The following DUSP15 variants were observed in gnomAD, a reference collection of about 807,000 sequenced individuals.
DUSP15 encodes dual specificity protein phosphatase 15.
In DUSP15, 23 loss-of-function variants were observed where a neutral mutation model predicts 26.3. The ratio of observed to expected loss-of-function variants is 0.87; its 90% CI spans 0.63 to 1.24. DUSP15 has a LOEUF of 1.24. Among genes scored for constraint, DUSP15 ranks in the 50% most tolerant of loss-of-function variants. The pLI, the probability that DUSP15 is intolerant of heterozygous loss-of-function variation, is 0.00. For synonymous variants in DUSP15, 143 were observed against 135.5 expected (o/e 1.06, Z -0.39); for missense variants, 364 against 320.6 (o/e 1.14, Z -1.03).
At position 31,861,472 on chromosome 20, in the gene DUSP15, C is replaced by A; in HGVS notation, c.639G>T (p.Pro213=). Residue 213 remains proline (P), a synonymous_variant, in exon 7 of 7, where the codon CCG becomes CCT. Coordinates refer to ENST00000339738, the MANE Select transcript of DUSP15 (RefSeq NM_080611.5). The part of the protein sequence containing the change: ...RTPREAHRPL[P]LLARVKQTFS... ...AAGTCTGCTTGACGCGCGCCAGCAG[C>A]GGCAGCGGCCGGTGGGCTTCCCGGG... 1 of 1,543,554 alleles carries A rather than the reference C, an allele frequency of 6.5e-7. No individual in the cohort carries two copies. Among genetic ancestry groups the A allele is most frequent in the Non-Finnish European group, 8.7e-7 (1 of 1,155,212 alleles).
At chr20:31,861,738 G>GGGGGGGCCCCCCCC in intron 6 of DUSP15, 63 bp from the exon 7 acceptor site, 1 of 1,290,716 alleles carries the variant, frequency 7.7e-7, no homozygotes. Flanking sequence ...AAGGCAGCCG[G>GGGGGGGCCCCCCCC]CCCCGCCCCC....
At chr20:31,864,815 A>C in intron 4 of DUSP15, 138 bp downstream of exon 4, 7 of 912,206 alleles carry the variant, frequency 7.7e-6, no homozygotes, top group Non-Finnish European at 1.2e-5. Flanking sequence ...AGACAGAGTC[A>C]AACCTGGGAC....
At position 31,861,642 on chromosome 20, in the gene DUSP15, T is replaced by C. The variant is rs1322720780; in HGVS notation, c.469A>G (p.Ser157Gly). 2 of 1,324,756 alleles carry C rather than the reference T, an allele frequency of 1.5e-6. No individual in the cohort carries two copies. The highest frequency in any genetic ancestry group is 2.5e-5 in the Admixed American group (1 of 39,976). 82.1% of individuals were successfully genotyped at this position (1,324,756 alleles called of 1,614,324 possible). A position where few individuals can be genotyped will look rare whatever the true frequency, so the allele number is the denominator to read the frequency against. ...RRQLEERFGE[S>G]PFRDEEELRA... is the part of the protein sequence containing the mutation. Reference sequence around the variant, plus strand: ...AACTCCTCCTCGTCGCGGAAGGGGCTCTCGCCGAAGCGCTCCTCCAGCTGC... The same window carrying C: ...AACTCCTCCTCGTCGCGGAAGGGGCCCTCGCCGAAGCGCTCCTCCAGCTGC... The change falls in exon 7 of 7, where the codon AGC becomes GGC. Residue 157 changes from serine (S) to glycine (G), a missense_variant. Physicochemically the swap from Ser to Gly is moderately conservative, Grantham distance 56. Transcript: ENST00000339738.
At chr20:31,847,559 G>A (rs1296262909), downstream of DUSP15, 1 of 152,168 alleles carries the variant, frequency 6.6e-6, no homozygotes, top group Non-Finnish European at 1.5e-5. Context: ...CATTAAAAGA[G>A]ACTTACAATA....
intron 8 of DUSP15, chr20:31,849,656 C>G: frequency 1.3e-6 from 2 of 1,528,518 alleles, no homozygotes; most frequent in Non-Finnish European, 1.8e-6. Context: ...TCCGGAGCCA[C>G]CCAGAGCTGC....
intron 5 of DUSP15, among the ~76,000 whole-genome samples, chr20:31,863,176 T>C (rs2062697983): frequency 6.6e-6 from 1 of 152,056 alleles, no homozygotes; most frequent in African/African-American, 2.4e-5. Context: ...GGAAGAGGTA[T>C]TAATCTATAG....
At chr20:31,851,587 T>C (rs2062471842) in intron 6 of DUSP15, among the ~76,000 whole-genome samples, 1 of 150,104 alleles carries the variant, frequency 6.7e-6, no homozygotes. Flanking sequence ...GCAGGAGAGG[T>C]AGAAAAAGGT....
chr20:31,865,879 G>A (rs2062753768), intron 3 of DUSP15, among the ~76,000 whole-genome samples: 1 of 152,176 alleles, frequency 6.6e-6, no homozygotes, highest in Admixed American at 6.5e-5. Context: ...AAGCAGGAAG[G>A]GCCGTAGGAG....
At chr20:31,848,468 A>G (rs771298820) in exon 10 of DUSP15, 1 of 1,611,996 alleles carries the variant, frequency 6.2e-7, no homozygotes, top group Non-Finnish European at 8.5e-7. Flanking sequence ...AAGGTGAGTG[A>G]TGCCATCGGG....
At chr20:31,864,019 G>A (rs1264647688) in intron 4 of DUSP15, 38 bp from the exon 5 acceptor site, 1 of 1,610,876 alleles carries the variant, frequency 6.2e-7, no homozygotes, top group African/African-American at 1.3e-5. Flanking sequence ...GCACTGCAGG[G>A]CAGACCTCTC....
chr20:31,848,433 G>T, exon 10 of DUSP15: 1 of 1,611,770 alleles, frequency 6.2e-7, no homozygotes, highest in Non-Finnish European at 8.5e-7. Context: ...GAAGCGGCTC[G>T]CTTAGGATGG....
At position 31,870,366 on chromosome 20, in the gene DUSP15, C is replaced by G. The variant is rs773102574; in HGVS notation, c.-29G>C. ...CCCGGGGGCGGCGGTCCGGGTGCACCCCCAGCTCGCCGCCCGGGAAGCGAT... is the reference window on the plus strand; with the variant it reads ...CCCGGGGGCGGCGGTCCGGGTGCACGCCCAGCTCGCCGCCCGGGAAGCGAT... On this transcript the variant is annotated 5_prime_UTR_variant, in exon 1 of 7. Coordinates refer to ENST00000339738, the MANE Select transcript of DUSP15 (RefSeq NM_080611.5). This position sits in a 1 kb window ranked among gnomAD's most constrained non-coding sequence, Gnocchi z 6.6. 29 of 1,279,898 alleles carry G rather than the reference C, an allele frequency of 2.3e-5. No homozygotes were observed. In the Middle Eastern group the frequency reaches 6.7e-4, roughly 30 times the overall value. The allele number at this position is 1,279,898 out of a possible 1,614,324, so 79.3% of individuals were successfully genotyped here. A position where few individuals can be genotyped will look rare whatever the true frequency, so the allele number is the denominator to read the frequency against.
intron 6 of DUSP15, among the ~76,000 whole-genome samples, chr20:31,854,431 T>C (rs2123205851): frequency 6.6e-6 from 1 of 152,248 alleles, no homozygotes; most frequent in Non-Finnish European, 1.5e-5. Flanking sequence ...AGTGGTAATT[T>C]ATTGTGACAC....
Position 31,849,691 on chromosome 20 carries a change from A to G in DUSP15, c.628+47T>C, listed in dbSNP as rs1222332990. The G allele has an allele frequency of 5.9e-6, 9 of 1,532,890 alleles. No homozygotes were observed. In the African/African-American group the frequency reaches 1.2e-4, roughly 21 times the overall value. 95.0% of individuals were successfully genotyped at this position (1,532,890 alleles called of 1,614,324 possible). On this transcript the variant is annotated intron_variant, in intron 8 of 9. Transcript: ENST00000278979. ...CACACCGCGCTCCAGGTGAGGCGGCAGGCCCTGCAACACGTGGGCGCTGGG... is the reference window on the plus strand; with the variant it reads ...CACACCGCGCTCCAGGTGAGGCGGCGGGCCCTGCAACACGTGGGCGCTGGG...
At chr20:31,848,704 G>C (rs2062408433) in intron 9 of DUSP15, 2 of 1,478,118 alleles carry the variant, frequency 1.4e-6, no homozygotes, top group Non-Finnish European at 1.8e-6. Context: ...GAGGGTGCTA[G>C]AAGTGTCAGA....
chr20:31,857,608 C>T (rs2062582193), downstream of DUSP15, among the ~76,000 whole-genome samples: 1 of 152,236 alleles, frequency 6.6e-6, no homozygotes, highest in Non-Finnish European at 1.5e-5. Context: ...TAGTTCTTTT[C>T]ATCTCTAAAT....
downstream of DUSP15, chr20:31,845,687 G>T: frequency 1.0e-6 from 1 of 954,918 alleles, no homozygotes; most frequent in Non-Finnish European, 1.5e-6. Context: ...TGGGTCTGCT[G>T]AGCCATCCTC....
rs534659524 is a variant in DUSP15 at position 31,850,194 on chromosome 20, G to A, written c.492-320C>T. On this transcript the variant is annotated intron_variant, in intron 7 of 9. Transcript: ENST00000278979. ...CCCAGCAAAGATTTTGATGCAGGTA[G>A]AAATAACCATAACAGCGACAATAAC... is the stretch of plus-strand genomic sequence containing the variant. Among the ~76,000 whole-genome samples the A allele has an allele frequency of 2.6e-5, 4 of 152,312 alleles. No homozygotes were observed. The South Asian group carries it at 8.3e-4, about 32-fold the overall frequency.
chr20:31,866,764 G>C (rs1269564623), intron 3 of DUSP15, among the ~76,000 whole-genome samples: 1 of 152,216 alleles, frequency 6.6e-6, no homozygotes, highest in Non-Finnish European at 1.5e-5. Context: ...CATCCATCCA[G>C]TTGGGTCATG....
Sources: gnomAD v4.1 joint callset for allele counts (sites outside exome capture counted in the v4.1 genomes callset) on GRCh38, gnomAD v4.1.1 for gene constraint, Gnocchi (gnomAD v3.1) non-coding constraint, MANE v1.5 for transcripts, NCBI Gene and HGNC (gene_info 2026-07-23, HGNC 2026-07-21) for gene names.